MARCHF11: variants seen among roughly 807,000 people sequenced by gnomAD.
The protein encoded by MARCHF11 is membrane associated ring-CH-type finger 11.
MARCHF11 carries 29 observed loss-of-function variants against 37.3 expected under a neutral mutation model. That is an observed-to-expected ratio of 0.78 (90% confidence interval 0.58 to 1.06). MARCHF11 has a LOEUF of 1.06. Among genes scored for constraint, MARCHF11 ranks in the 50% least tolerant of loss-of-function variants. MARCHF11 has a pLI of 0.00. For synonymous variants in MARCHF11, 233 were observed against 228.0 expected (o/e 1.02, Z -0.20); for missense variants, 482 against 533.4 (o/e 0.90, Z 0.95).
At chr5:16,111,309 A>G (rs1737133534) in intron 2 of MARCHF11, among the ~76,000 whole-genome samples, 1 of 152,206 alleles carries the variant, frequency 6.6e-6, no homozygotes, top group African/African-American at 2.4e-5. Flanking sequence ...GACTTGTTGA[A>G]TGGCTTTGAC....
At chr5:16,092,129 A>G (rs561215515) in intron 2 of MARCHF11, among the ~76,000 whole-genome samples, 1 of 152,122 alleles carries the variant, frequency 6.6e-6, no homozygotes, top group Non-Finnish European at 1.5e-5. Context: ...CTTACCTTCA[A>G]TCTGAACTTA....
intron 2 of MARCHF11, among the ~76,000 whole-genome samples, chr5:16,107,366 T>A (rs1216672028): frequency 6.6e-6 from 1 of 151,958 alleles, no homozygotes; most frequent in Admixed American, 6.5e-5. Context: ...TACCATATGA[T>A]TGCTTTTTAG....
At position 16,091,796 on chromosome 5, in the gene MARCHF11, A is replaced by G. The variant is rs1018134319; in HGVS notation, c.694-715T>C. ...GTGGGGCAAATAATTTGGTGCCCTA[A>G]GTATCAATATTCAAAAGAATTTACA... is the stretch of plus-strand genomic sequence containing the variant. On this transcript the variant is annotated intron_variant, in intron 2 of 3. Transcript: ENST00000332432. Among the ~76,000 whole-genome samples the G allele has an allele frequency of 2.0e-5, 3 of 152,360 alleles. No individual in the cohort carries two copies. The East Asian group carries it at 5.8e-4, about 29-fold the overall frequency.
intron 2 of MARCHF11, among the ~76,000 whole-genome samples, chr5:16,152,866 T>C (rs1418647778): frequency 2.6e-5 from 4 of 152,024 alleles, no homozygotes; most frequent in Admixed American, 2.6e-4. Flanking sequence ...CTGGACTACA[T>C]AGAGTATAAA....
chr5:16,111,908 T>C (rs902675078), intron 2 of MARCHF11, among the ~76,000 whole-genome samples: 2 of 152,184 alleles, frequency 1.3e-5, no homozygotes, highest in Non-Finnish European at 2.9e-5. Context: ...GAAGCCAAGG[T>C]ACAGCTTGGG....
At chr5:16,103,119 A>C (rs956738933) in intron 2 of MARCHF11, among the ~76,000 whole-genome samples, 2 of 151,882 alleles carry the variant, frequency 1.3e-5, no homozygotes, top group African/African-American at 4.8e-5. Flanking sequence ...CAGAAAAAAA[A>C]AAAACAAAAC....
At chr5:16,142,755 G>T (rs1375704370) in intron 2 of MARCHF11, among the ~76,000 whole-genome samples, 2 of 140,272 alleles carry the variant, frequency 1.4e-5, no homozygotes, top group African/African-American at 2.7e-5. Context: ...ACAATGGCGT[G>T]ATCTCGGCTC....
chr5:16,087,119 T>A (rs1380579225), intron 3 of MARCHF11, among the ~76,000 whole-genome samples: 1 of 152,232 alleles, frequency 6.6e-6, no homozygotes, highest in Non-Finnish European at 1.5e-5. Flanking sequence ...TTTAAACAAG[T>A]AGAAGCACTC....
At chr5:16,127,390 T>C (rs1312885252) in intron 2 of MARCHF11, among the ~76,000 whole-genome samples, 2 of 152,132 alleles carry the variant, frequency 1.3e-5, no homozygotes, top group African/African-American at 2.4e-5. Flanking sequence ...AGGCCCCAAG[T>C]TCCAGGGGGG....
chr5:16,120,233 T>C (rs752449709), intron 2 of MARCHF11, among the ~76,000 whole-genome samples: 1 of 152,238 alleles, frequency 6.6e-6, no homozygotes, highest in Non-Finnish European at 1.5e-5. Flanking sequence ...CATTGCATAA[T>C]AAAACAATCC....
At chr5:16,177,456 C>T (rs1043407276) in intron 2 of MARCHF11, among the ~76,000 whole-genome samples, 1 of 151,936 alleles carries the variant, frequency 6.6e-6, no homozygotes, top group African/African-American at 2.4e-5. Context: ...TACCAACTTG[C>T]CTTTTTAGAA....
intron 3 of MARCHF11, among the ~76,000 whole-genome samples, chr5:16,068,694 C>T (rs978625241): frequency 1.3e-5 from 2 of 152,242 alleles, no homozygotes; most frequent in Non-Finnish European, 2.9e-5. Context: ...GTCACACACC[C>T]TGCATTTCAC....
chr5:16,071,871 A>C (rs1736442963), intron 3 of MARCHF11, among the ~76,000 whole-genome samples: 2 of 152,204 alleles, frequency 1.3e-5, no homozygotes, highest in Admixed American at 1.3e-4. Flanking sequence ...TGTGCCAAAT[A>C]CTGTGCAAAG....
chr5:16,176,108 T>TG (rs1214932033), intron 2 of MARCHF11, among the ~76,000 whole-genome samples: 1 of 151,706 alleles, frequency 6.6e-6, no homozygotes, highest in East Asian at 1.9e-4. Context: ...TTTTTTTTTT[T>TG]GCCCCAGCTC....
chr5:16,115,105 T>C (rs1460551572), intron 2 of MARCHF11, among the ~76,000 whole-genome samples: 2 of 152,172 alleles, frequency 1.3e-5, no homozygotes, highest in Non-Finnish European at 2.9e-5. Context: ...TTGACTGCAG[T>C]ATCATTTGTA....
intron 2 of MARCHF11, among the ~76,000 whole-genome samples, chr5:16,092,118 A>G (rs886920728): frequency 2.0e-5 from 3 of 152,186 alleles, no homozygotes; most frequent in African/African-American, 7.2e-5. Flanking sequence ...CAAACCCTTT[A>G]CTTACCTTCA....
At chr5:16,069,289 C>CAT (rs1281569364) in intron 3 of MARCHF11, among the ~76,000 whole-genome samples, 1 of 151,992 alleles carries the variant, frequency 6.6e-6, no homozygotes, top group Non-Finnish European at 1.5e-5. Flanking sequence ...AAGACACACA[C>CAT]ATATATATAT....
At chr5:16,170,098 A>G (rs779338832) in intron 2 of MARCHF11, among the ~76,000 whole-genome samples, 6 of 152,168 alleles carry the variant, frequency 3.9e-5, no homozygotes, top group Non-Finnish European at 8.8e-5. Context: ...CAAACTGCTC[A>G]TCAAAAAAGT....
chr5:16,129,794 C>T (rs1218671481), intron 2 of MARCHF11, among the ~76,000 whole-genome samples: 2 of 152,078 alleles, frequency 1.3e-5, no homozygotes, highest in Non-Finnish European at 2.9e-5. Flanking sequence ...CAATAAGTTA[C>T]AAAATTCTTT....
Sources: gnomAD v4.1 joint callset for allele counts (sites outside exome capture counted in the v4.1 genomes callset) on GRCh38, gnomAD v4.1.1 for gene constraint, MANE v1.5 for transcripts, NCBI Gene and HGNC (gene_info 2026-07-23, HGNC 2026-07-21) for gene names.